The following CNTN5 variants were observed in gnomAD, a reference collection of about 807,000 sequenced individuals.
The protein encoded by CNTN5 is contactin 5, also known as contactin-5.
Under a neutral mutation model 129.1 loss-of-function variants are expected in CNTN5, and 77 were observed. The observed-to-expected ratio is 0.60, with a 90% CI of 0.50 to 0.72. CNTN5 has a LOEUF of 0.72. CNTN5 is among the 30% of genes least tolerant of loss of function. The pLI, the probability that CNTN5 is intolerant of heterozygous loss-of-function variation, is 0.00. For missense variants in CNTN5, 1,478 were observed against 1,328.8 expected (o/e 1.11, Z -1.75); for synonymous variants, 509 against 465.6 (o/e 1.09, Z -1.20).
At chr11:100,188,890 A>T (rs1163294385) in intron 13 of CNTN5, among the ~76,000 whole-genome samples, 8 of 152,318 alleles carry the variant, frequency 5.3e-5, no homozygotes, top group African/African-American at 1.9e-4. Flanking sequence ...GTGGAATACT[A>T]GCCAGCCATA....
At chr11:99,247,449 T>A (rs1349245705) in intron 1 of CNTN5, among the ~76,000 whole-genome samples, 1 of 151,218 alleles carries the variant, frequency 6.6e-6, no homozygotes, top group Non-Finnish European at 1.5e-5. Flanking sequence ...CCTGCTACAT[T>A]TCTTTTATTA....
rs868102084 is a variant in CNTN5, at chr11:99,445,973, A to G, written c.-70-110172A>G. 2.2e-4 allele frequency among the ~76,000 whole-genome samples: 33 copies of G among 151,294 alleles called. 1 individual carries two copies. The Middle Eastern group carries it at 0.02, about 94-fold the overall frequency. ...GTGGCAGGCTCCTGTAATCCCAGCT[A>G]TTCGGGAGGCTGAGGCAGGAGAATC... On this transcript the variant is annotated intron_variant, in intron 2 of 24. Transcript: ENST00000524871.
intron 15 of CNTN5, among the ~76,000 whole-genome samples, chr11:100,205,421 G>A (rs1392291364): frequency 6.6e-6 from 1 of 151,966 alleles, no homozygotes; most frequent in African/African-American, 2.4e-5. Context: ...TCTCAGAAAA[G>A]GAGGAAGAGG....
chr11:99,830,828 A>G (rs771077872), intron 4 of CNTN5, among the ~76,000 whole-genome samples: 9 of 152,148 alleles, frequency 5.9e-5, no homozygotes, highest in Non-Finnish European at 1.3e-4. Flanking sequence ...ATACCATTTC[A>G]TAGTCTCCTC....
At chr11:99,625,577 A>G (rs651496) in intron 3 of CNTN5, among the ~76,000 whole-genome samples, 92,868 of 151,950 alleles carry the variant, frequency 0.61, 29,273 homozygotes, top group Admixed American at 0.74. Flanking sequence ...ACCAAAATAC[A>G]TTAAGATATG....
intron 3 of CNTN5, among the ~76,000 whole-genome samples, chr11:99,704,976 G>A (rs1954691692): frequency 6.6e-6 from 1 of 151,176 alleles, no homozygotes; most frequent in Non-Finnish European, 1.5e-5. Flanking sequence ...ACAGTCATTT[G>A]GACTCCGTTA....
intron 3 of CNTN5, among the ~76,000 whole-genome samples, chr11:99,684,072 C>T (rs1194451425): frequency 2.0e-5 from 3 of 151,612 alleles, no homozygotes; most frequent in African/African-American, 7.3e-5. Flanking sequence ...AATTTTGTTT[C>T]CTCTACTCAA....
intron 6 of CNTN5, among the ~76,000 whole-genome samples, chr11:99,912,191 G>C (rs1949678280): frequency 6.6e-6 from 1 of 151,768 alleles, no homozygotes; most frequent in Non-Finnish European, 1.5e-5. Context: ...GGAAAGGGAA[G>C]AAAAAAGGAA....
intron 16 of CNTN5, among the ~76,000 whole-genome samples, chr11:100,231,972 G>A (rs1949500627): frequency 6.6e-6 from 1 of 152,002 alleles, no homozygotes; most frequent in African/African-American, 2.4e-5. Flanking sequence ...TGGCCAACAT[G>A]GGGAAACCCT....
intron 1 of CNTN5, among the ~76,000 whole-genome samples, chr11:99,174,142 G>T (rs895341101): frequency 6.6e-6 from 1 of 152,026 alleles, no homozygotes; most frequent in Non-Finnish European, 1.5e-5. Context: ...TGGATTGCAG[G>T]TGCCTGCCAC....
At chr11:99,862,246 A>T (rs1404974608) in intron 6 of CNTN5, among the ~76,000 whole-genome samples, 1 of 152,186 alleles carries the variant, frequency 6.6e-6, no homozygotes, top group African/African-American at 2.4e-5. Context: ...AGGGCAAATA[A>T]AATTTAATAA....
At chr11:99,981,787 T>C (rs1563110) in intron 8 of CNTN5, among the ~76,000 whole-genome samples, 151,145 of 152,316 alleles carry the variant, frequency 0.99, 75,003 homozygotes, top group Middle Eastern at 1. Context: ...ATAATCAATG[T>C]TTAAAACTAG....
At chr11:99,468,639 A>T (rs1424424874) in intron 2 of CNTN5, among the ~76,000 whole-genome samples, 2 of 117,382 alleles carry the variant, frequency 1.7e-5, no homozygotes, top group Non-Finnish European at 3.5e-5. Context: ...TTAACATATA[A>T]GTGTGAGTTT....
chr11:99,581,881 G>T (rs1949612012), intron 3 of CNTN5, among the ~76,000 whole-genome samples: 2 of 152,084 alleles, frequency 1.3e-5, no homozygotes, highest in South Asian at 4.1e-4. Flanking sequence ...ATGTTAGCTG[G>T]TTATTTTGCT....
chr11:99,412,337 C>T (rs911324864), intron 2 of CNTN5, among the ~76,000 whole-genome samples: 2 of 152,098 alleles, frequency 1.3e-5, no homozygotes, highest in African/African-American at 4.8e-5. Context: ...TTATACCAGC[C>T]ACAAATGTGC....
At chr11:99,095,728 T>C (rs546673419) in intron 1 of CNTN5, among the ~76,000 whole-genome samples, 6 of 151,926 alleles carry the variant, frequency 3.9e-5, no homozygotes, top group African/African-American at 1.2e-4. Context: ...AATTAACAAA[T>C]GAAATTGGGA....
At chr11:99,599,546 A>G (rs1950249128) in intron 3 of CNTN5, among the ~76,000 whole-genome samples, 1 of 152,184 alleles carries the variant, frequency 6.6e-6, no homozygotes, top group African/African-American at 2.4e-5. Context: ...TGAAGGGCAC[A>G]GATGTTATTA....
At chr11:99,756,500 A>T (rs1433208272) in intron 3 of CNTN5, among the ~76,000 whole-genome samples, 5 of 152,142 alleles carry the variant, frequency 3.3e-5, no homozygotes, top group African/African-American at 1.2e-4. Context: ...ATCTTGTCAC[A>T]AATCGAAGCA....
At chr11:99,472,616 T>C (rs934749758) in intron 2 of CNTN5, among the ~76,000 whole-genome samples, 1 of 152,172 alleles carries the variant, frequency 6.6e-6, no homozygotes, top group Non-Finnish European at 1.5e-5. Context: ...CCAAGCGACA[T>C]TGATGTATTG....
Sources: allele counts gnomAD v4.1 joint callset (sites outside exome capture counted in the v4.1 genomes callset), GRCh38; gene constraint gnomAD v4.1.1; transcripts MANE v1.5; gene names NCBI Gene and HGNC (gene_info 2026-07-23, HGNC 2026-07-21).